PTBP2: variants seen among roughly 807,000 people sequenced by gnomAD.
PTBP2 encodes the protein polypyrimidine tract-binding protein 2.
PTBP2 carries 13 observed loss-of-function variants against 61.4 expected under a neutral mutation model. The ratio of observed to expected loss-of-function variants is 0.21; its 90% confidence interval spans 0.14 to 0.34. The LOEUF is 0.34. Among genes scored for constraint, PTBP2 ranks in the 10% least tolerant of loss-of-function variants. The pLI is 1.00. For synonymous variants in PTBP2, 215 were observed against 218.5 expected, an observed-to-expected ratio of 0.98 and a Z score of 0.14; for missense variants, 405 against 642.6, an observed-to-expected ratio of 0.63 and a Z score of 4.00.
At position 96,812,920 on chromosome 1, in the gene PTBP2, T is replaced by C; in HGVS notation, c.1380T>C (p.Ser460=). 1 of 1,609,380 alleles carries C rather than the reference T, an allele frequency of 6.2e-7. No individual in the cohort carries two copies. The highest frequency in any genetic ancestry group is 8.5e-7 in the Non-Finnish European group (1 of 1,175,812). ...IFPPSATLHL[S]NIPPSVAEED... ...CTCCTTCTGCCACCCTTCACCTATC[T>C]AATATCCCGTAAGTATATAAGCTAG... Residue 460 remains serine (S), a synonymous_variant, in exon 12 of 14, where the codon TCT becomes TCC. Transcript: ENST00000674951.
chr1:96,767,401 A>G (rs1317458827), intron 3 of PTBP2, among the ~76,000 whole-genome samples: 2 of 151,894 alleles, frequency 1.3e-5, no homozygotes, highest in Non-Finnish European at 2.9e-5. Context: ...TCTTTCTCCC[A>G]GAAGGAAAAG....
In PTBP2 at chr1:96,771,131, A is replaced by C. The variant is rs60875204; in HGVS notation, c.432+280A>C. On this transcript the variant is annotated intron_variant, in intron 5 of 13. Transcript: ENST00000674951. Reference sequence around the variant, plus strand: ...TATTATTAGCATAAACTGTTTATACAACTCTCCTGCTTAGAATTTAAGGTA... The same window carrying C: ...TATTATTAGCATAAACTGTTTATACCACTCTCCTGCTTAGAATTTAAGGTA... 269 of 198,162 alleles carry C rather than the reference A, an allele frequency of 1.4e-3. 1 individual carries two copies. Among genetic ancestry groups the C allele is most frequent in the African/African-American group, 6.1e-3 (260 of 42,944 alleles). 12.3% of individuals were successfully genotyped at this position (198,162 alleles called of 1,614,324 possible). A position where few individuals can be genotyped will look rare whatever the true frequency, so the allele number is the denominator to read the frequency against.
At chr1:96,759,126 G>C (rs1655497140) in intron 3 of PTBP2, among the ~76,000 whole-genome samples, 1 of 152,140 alleles carries the variant, frequency 6.6e-6, no homozygotes, top group South Asian at 2.1e-4. Context: ...ACTGCTAAGA[G>C]AAGTTTTAAA....
At chr1:96,788,209 A>G (rs571543658) in intron 8 of PTBP2, among the ~76,000 whole-genome samples, 9 of 152,234 alleles carry the variant, frequency 5.9e-5, no homozygotes, top group Non-Finnish European at 1.0e-4. Context: ...ATGTACGGTA[A>G]TTCTTATAAA....
intron 2 of PTBP2, among the ~76,000 whole-genome samples, chr1:96,748,641 A>G (rs142424938): frequency 7.2e-4 from 109 of 152,316 alleles, no homozygotes; most frequent in African/African-American, 2.5e-3. Context: ...AATTGATATC[A>G]TTCTTAGATT....
intron 8 of PTBP2, among the ~76,000 whole-genome samples, chr1:96,791,152 T>TA (rs551584030): frequency 2.6e-5 from 4 of 152,038 alleles, no homozygotes; most frequent in Non-Finnish European, 4.4e-5. Context: ...TATGTACAAT[T>TA]AAAAAAAATC....
At chr1:96,783,612 T>C (rs1242732129) in intron 7 of PTBP2, among the ~76,000 whole-genome samples, 5 of 152,054 alleles carry the variant, frequency 3.3e-5, no homozygotes, top group Non-Finnish European at 5.9e-5. Flanking sequence ...TTTGATAACA[T>C]TGAAGTAGTC....
chr1:96,812,888 A>G lies in PTBP2; in HGVS notation c.1348A>G (p.Ile450Val). The G allele has an allele frequency of 6.2e-7, 1 of 1,613,826 alleles. No homozygotes were observed. The highest frequency in any genetic ancestry group is 8.5e-7 in the Non-Finnish European group (1 of 1,179,804). ...ACCTGGATCCAAAAATTTTCAAAAC[A>G]TTTTTCCTCCTTCTGCCACCCTTCA... is the stretch of plus-strand genomic sequence containing the variant. ...KKPGSKNFQN[I>V]FPPSATLHLS... Residue 450 changes from isoleucine to valine, a missense_variant, in exon 12 of 14, where the codon ATT (isoleucine) becomes GTT (valine). Physicochemically the swap from Ile to Val is conservative, Grantham distance 29 (BLOSUM62 3). This residue lies in a region of PTBP2 where 18 missense variants were observed against 69.6 expected (regional missense o/e 0.26). Coordinates refer to ENST00000674951, the MANE Select transcript of PTBP2 (RefSeq NM_021190.4).
chr1:96,774,085 C>T (rs1570899268), intron 5 of PTBP2, among the ~76,000 whole-genome samples: 2 of 151,102 alleles, frequency 1.3e-5, no homozygotes. Context: ...CACCACTGCA[C>T]TCCAGCCTCA....
intron 3 of PTBP2, among the ~76,000 whole-genome samples, chr1:96,761,891 C>A (rs893553022): frequency 2.0e-5 from 3 of 152,098 alleles, no homozygotes; most frequent in Admixed American, 6.5e-5. Context: ...CTGCGGACTT[C>A]CGCAGTGTTT....
At chr1:96,786,164 T>C (rs1314680910) in intron 8 of PTBP2, among the ~76,000 whole-genome samples, 1 of 152,182 alleles carries the variant, frequency 6.6e-6, no homozygotes, top group Non-Finnish European at 1.5e-5. Context: ...TAAGTAGTTA[T>C]TGGAAATATT....
intron 3 of PTBP2, among the ~76,000 whole-genome samples, chr1:96,760,250 G>A (rs1321332782): frequency 6.6e-6 from 1 of 151,754 alleles, no homozygotes. Flanking sequence ...GACATTATAA[G>A]GATGGGTAAC....
downstream of PTBP2, chr1:96,818,319 CT>C (rs1488926718): frequency 1.3e-5 from 2 of 152,032 alleles, no homozygotes; most frequent in Non-Finnish European, 2.9e-5. Context: ...TTAACAAACC[CT>C]TGTCAGCTTC....
chr1:96,722,179 C>T lies in PTBP2; in HGVS notation c.8+307C>T, dbSNP rs914400347. 8.5e-5 allele frequency among the ~76,000 whole-genome samples: 13 copies of T among 152,248 alleles called. 1 individual carries two copies. The highest frequency in any genetic ancestry group is 3.1e-4 in the African/African-American group (13 of 41,576). ...TGGGGTGGGAACCCCATAACGTCTC[C>T]CCGGTCTGTCCCTGCCCCCTCTAGG... On this transcript the variant is annotated intron_variant, in intron 1 of 13. Coordinates refer to ENST00000674951, the MANE Select transcript of PTBP2 (RefSeq NM_021190.4).
chr1:96,822,522 G>C (rs998546863), exon 14 of PTBP2: 1 of 152,156 alleles, frequency 6.6e-6, no homozygotes, highest in African/African-American at 2.4e-5. Context: ...CTTAGGAGAA[G>C]GGACAGGGTT....
At position 96,746,852 on chromosome 1, in the gene PTBP2, C is replaced by CCCCT. The variant is rs1653864860; in HGVS notation, c.40-4566_40-4563dup. Among the ~76,000 whole-genome samples the CCCCT allele has an allele frequency of 4.6e-5, 4 of 87,120 alleles. 1 individual carries two copies. The highest frequency in any genetic ancestry group is 1.2e-3 in the South Asian group (2 of 1,646). The allele number at this position is 87,120 out of a possible 152,430, so 57.2% of individuals were successfully genotyped here. A position where few individuals can be genotyped will look rare whatever the true frequency, so the allele number is the denominator to read the frequency against. ...GTCTGTCTGTCTCCCTCCCTCCCTC[C>CCCCT]CCCTCCCTCCGTCCGTCTGTCCCTC... On this transcript the variant is annotated intron_variant, in intron 2 of 13. Coordinates refer to ENST00000674951, the MANE Select transcript of PTBP2 (RefSeq NM_021190.4).
In PTBP2 at chr1:96,771,209, AC is replaced by A. The variant is rs560179646; in HGVS notation, c.432+359del. The A allele has an allele frequency of 1.1e-3, 169 of 156,070 alleles. 1 individual carries two copies. The highest frequency in any genetic ancestry group is 3.9e-3 in the African/African-American group (164 of 41,652). The allele number at this position is 156,070 out of a possible 1,614,324, so 9.7% of individuals were successfully genotyped here. ...TTTTTTTTATAGGTCTTAATTTCTT[AC>A]GGAAAATTTTTTTTTGAAGATGTGT... On this transcript the variant is annotated intron_variant, in intron 5 of 13. Coordinates refer to ENST00000674951, the MANE Select transcript of PTBP2 (RefSeq NM_021190.4).
At chr1:96,787,828 T>C (rs534429000) in intron 8 of PTBP2, among the ~76,000 whole-genome samples, 1 of 152,318 alleles carries the variant, frequency 6.6e-6, no homozygotes, top group African/African-American at 2.4e-5. Flanking sequence ...GCCATACCTT[T>C]GAAAGTGGAC....
intron 8 of PTBP2, 24 bp downstream of exon 8, chr1:96,785,278 A>T: frequency 6.7e-7 from 1 of 1,501,676 alleles, no homozygotes. Context: ...TGTCTTAACC[A>T]CTTTTCTCCC....
Sources: gnomAD v4.1 joint callset for allele counts (sites outside exome capture counted in the v4.1 genomes callset) on GRCh38, gnomAD v4.1.1 for gene constraint, gnomAD v4.1.1 regional missense constraint, MANE v1.5 for transcripts, NCBI Gene and HGNC (gene_info 2026-07-23, HGNC 2026-07-21) for gene names.